SMURF1: variants seen among roughly 807,000 people sequenced by gnomAD.
SMURF1 encodes SMAD specific E3 ubiquitin protein ligase 1, also known as E3 ubiquitin-protein ligase SMURF1.
Under a neutral mutation model 98.0 loss-of-function variants are expected in SMURF1, and 44 were observed. The observed-to-expected ratio is 0.45, with a 90% CI of 0.35 to 0.58. SMURF1 has a LOEUF of 0.58. SMURF1 is among the 20% of genes least tolerant of loss of function. The probability of loss-of-function intolerance (pLI) is 0.00; values close to 1 mark genes in which losing one functional copy is unlikely to be tolerated. For synonymous variants in SMURF1, 396 were observed against 374.9 expected, an observed-to-expected ratio of 1.06 and a Z score of -0.65; for missense variants, 687 against 938.4, an observed-to-expected ratio of 0.73 and a Z score of 3.50.
rs1248602294 is a variant in SMURF1, at chr7:99,030,103, G to T, written c.*481C>A. ...ACCGGCTGCTGGGATGTGAAATCTGGAATCTGAGCTCTGATAAGATATCTA... is the reference window on the plus strand; with the variant it reads ...ACCGGCTGCTGGGATGTGAAATCTGTAATCTGAGCTCTGATAAGATATCTA... On this transcript the variant is annotated 3_prime_UTR_variant, in exon 18 of 18. Transcript: ENST00000361368. 1 of 155,124 alleles carries T rather than the reference G, an allele frequency of 6.4e-6. No homozygotes were observed. Among genetic ancestry groups the T allele is most frequent in the Non-Finnish European group, 1.4e-5 (1 of 69,646 alleles). 9.6% of individuals were successfully genotyped at this position (155,124 alleles called of 1,614,324 possible).
chr7:99,106,977 T>C (rs1797207097), intron 1 of SMURF1, among the ~76,000 whole-genome samples: 1 of 152,204 alleles, frequency 6.6e-6, no homozygotes, highest in Non-Finnish European at 1.5e-5. Flanking sequence ...AATCCAAAGG[T>C]AGTTATAATT....
chr7:99,113,264 C>A (rs1159816123), intron 1 of SMURF1, among the ~76,000 whole-genome samples: 1 of 152,094 alleles, frequency 6.6e-6, no homozygotes, highest in Non-Finnish European at 1.5e-5. Context: ...AAGAGAGAAT[C>A]CTGAAAACAG....
At chr7:99,036,981 A>C (rs1795169985) in intron 15 of SMURF1, 86 bp downstream of exon 15, 1 of 1,598,234 alleles carries the variant, frequency 6.3e-7, no homozygotes, top group South Asian at 1.1e-5. Flanking sequence ...AAAGCGGCAC[A>C]CACTGCCCCC....
At chr7:99,108,195 C>T (rs548785324) in intron 1 of SMURF1, among the ~76,000 whole-genome samples, 1 of 152,188 alleles carries the variant, frequency 6.6e-6, no homozygotes, top group East Asian at 2.0e-4. Context: ...ACCAGGCATT[C>T]CCTGTTACGC....
intron 11 of SMURF1, 185 bp downstream of exon 11, chr7:99,045,513 A>C: frequency 1.8e-6 from 1 of 545,566 alleles, no homozygotes; most frequent in Non-Finnish European, 3.3e-6. Flanking sequence ...TGGCACGAGC[A>C]TGCTCGGAGG....
intron 10 of SMURF1, among the ~76,000 whole-genome samples, chr7:99,047,383 C>T (rs1043441396): frequency 1.3e-5 from 2 of 152,214 alleles, no homozygotes; most frequent in African/African-American, 4.8e-5. Context: ...TCTGTATACA[C>T]CTCTAGGTTT....
In SMURF1 at chr7:99,047,834, A is replaced by G. The variant is rs1795631730; in HGVS notation, c.1002T>C (p.Ser334=). 1 of 1,614,028 alleles carries G rather than the reference A, an allele frequency of 6.2e-7. No homozygotes were observed. Among genetic ancestry groups the G allele is most frequent in the Admixed American group, 1.7e-5 (1 of 59,996 alleles). Residue 334 remains serine, a synonymous_variant, in exon 10 of 18, where the codon AGT becomes AGC. Coordinates refer to ENST00000361368, the MANE Select transcript of SMURF1 (RefSeq NM_181349.3). ...GCTCCTCGTCCTCCAGAGAGCCCTCACTGGGCAGTGGCAGCGGCTGGCTGG... is the reference window on the plus strand; with the variant it reads ...GCTCCTCGTCCTCCAGAGAGCCCTCGCTGGGCAGTGGCAGCGGCTGGCTGG... ...KEPSQPLPLP[S]EGSLEDEELP... is the part of the protein sequence containing the mutation.
At chr7:99,040,293 A>ACGCGCG (rs3033104) in intron 13 of SMURF1, 85 bp downstream of exon 13, 21 of 1,240,758 alleles carry the variant, frequency 1.7e-5, no homozygotes, top group Non-Finnish European at 2.2e-5. Flanking sequence ...ATACACACAC[A>ACGCGCG]CGCGCGCGCG....
chr7:99,102,331 A>C (rs1262796737), intron 1 of SMURF1, among the ~76,000 whole-genome samples: 1 of 152,232 alleles, frequency 6.6e-6, no homozygotes, highest in Non-Finnish European at 1.5e-5. Context: ...CAATAGTTAA[A>C]ATGGTTAAAA....
chr7:99,047,203 G>A (rs1195512651), intron 10 of SMURF1, among the ~76,000 whole-genome samples: 3 of 152,192 alleles, frequency 2.0e-5, no homozygotes, highest in Non-Finnish European at 4.4e-5. Flanking sequence ...AAGCAGGATG[G>A]CCCCCAGCCC....
chr7:99,074,171 T>C (rs538468391), intron 1 of SMURF1, among the ~76,000 whole-genome samples: 1 of 152,180 alleles, frequency 6.6e-6, no homozygotes, highest in South Asian at 2.1e-4. Context: ...AAAGTTAGGC[T>C]AGTGATTATC....
chr7:99,073,336 G>C (rs1025919236), intron 1 of SMURF1, among the ~76,000 whole-genome samples: 1 of 149,066 alleles, frequency 6.7e-6, no homozygotes, highest in Admixed American at 6.8e-5. Context: ...TCCAGATCAC[G>C]CAACTGCACT....
intron 1 of SMURF1, 62 bp from the exon 2 acceptor site, chr7:99,061,899 C>A: frequency 1.6e-6 from 2 of 1,250,420 alleles, no homozygotes; most frequent in Non-Finnish European, 2.3e-6. Flanking sequence ...AATAGCTAAT[C>A]TATATTTACA....
At position 99,049,670 on chromosome 7, in the gene SMURF1, C is replaced by T. The variant is rs574575647; in HGVS notation, c.846G>A (p.Leu282=). 6.2e-7 allele frequency: 1 copy of T among 1,614,082 alleles called. No homozygotes were observed. Among genetic ancestry groups the T allele is most frequent in the Admixed American group, 1.7e-5 (1 of 60,024 alleles). Residue 282 remains leucine (L), a synonymous_variant, in exon 9 of 18, where the codon CTG becomes CTA. Transcript: ENST00000361368. ...TACTTCTGACTTCCCAGCCTGGCGG[C>T]AGTGGTCCAAGTTCATCACAGTTCA... The part of the protein sequence containing the change: ...NSVNCDELGP[L]PPGWEVRSTV...
At chr7:99,097,872 G>A (rs1394468917) in intron 1 of SMURF1, among the ~76,000 whole-genome samples, 1 of 152,186 alleles carries the variant, frequency 6.6e-6, no homozygotes, top group Admixed American at 6.5e-5. Flanking sequence ...TTCCAAGTAC[G>A]AGTGACCAAC....
chr7:99,129,880 T>G lies in SMURF1; in HGVS notation c.55+13846A>C, dbSNP rs550318896. Among the ~76,000 whole-genome samples, 61 of 152,290 alleles carry G rather than the reference T, an allele frequency of 4.0e-4. 1 individual carries two copies. The South Asian group carries it at 4.4e-3, about 11-fold the overall frequency. On this transcript the variant is annotated intron_variant, in intron 1 of 17. Transcript: ENST00000361368. Reference sequence around the variant, plus strand: ...TTCAGCGAAGCATCTTACAAAAACTTTTTTTCTTTTTAAGAATATAGAAGT... The same window carrying G: ...TTCAGCGAAGCATCTTACAAAAACTGTTTTTCTTTTTAAGAATATAGAAGT...
intron 1 of SMURF1, among the ~76,000 whole-genome samples, chr7:99,070,483 GC>G (rs1358965659): frequency 1.3e-5 from 2 of 152,162 alleles, no homozygotes; most frequent in African/African-American, 2.4e-5. Context: ...TCTTTGCAGA[GC>G]CTGAAATTAA....
At position 99,030,476 on chromosome 7, in the gene SMURF1, G is replaced by T; in HGVS notation, c.*108C>A. ...GGAGAGAGACAACCCTTTCCCCTCA[G>T]GTGATCTGGAATTCCAGGGCCTCTG... is the stretch of plus-strand genomic sequence containing the variant. On this transcript the variant is annotated 3_prime_UTR_variant, in exon 18 of 18. Coordinates refer to ENST00000361368, the MANE Select transcript of SMURF1 (RefSeq NM_181349.3). 3.3e-6 allele frequency: 3 copies of T among 914,512 alleles called. No individual in the cohort carries two copies. Among genetic ancestry groups the T allele is most frequent in the Non-Finnish European group, 5.2e-6 (3 of 571,624 alleles). The allele number at this position is 914,512 out of a possible 1,614,324, so 56.6% of individuals were successfully genotyped here.
intron 1 of SMURF1, among the ~76,000 whole-genome samples, chr7:99,103,248 C>T (rs1182614953): frequency 6.6e-6 from 1 of 152,150 alleles, no homozygotes; most frequent in Non-Finnish European, 1.5e-5. Context: ...TATGTATACA[C>T]CACTCCCAGC....
Sources: allele counts gnomAD v4.1 joint callset (sites outside exome capture counted in the v4.1 genomes callset), GRCh38; gene constraint gnomAD v4.1.1; transcripts MANE v1.5; gene names NCBI Gene and HGNC (gene_info 2026-07-23, HGNC 2026-07-21).